Variants in DNAH7 observed in about 807,000 individuals in gnomAD.
The protein encoded by DNAH7 is axonemal beta dynein heavy chain 7.
In DNAH7, 397 loss-of-function variants were observed where a neutral mutation model predicts 444.6. The ratio of observed to expected loss-of-function variants is 0.89; its 90% CI spans 0.82 to 0.97. The LOEUF is 0.97. Ranked by LOEUF, DNAH7 falls within the 50% of genes least tolerant of loss-of-function variation. DNAH7 has a pLI of 0.00. For synonymous variants in DNAH7, 1,636 were observed against 1,624.4 expected (o/e 1.01, Z -0.17); for missense variants, 4,902 against 4,800.8 (o/e 1.02, Z -0.62).
Position 195,872,283 on chromosome 2 carries a change from G to T in DNAH7, c.6600C>A (p.Thr2200=). 1 of 1,613,742 alleles carries T rather than the reference G, an allele frequency of 6.2e-7. No individual in the cohort carries two copies. The highest frequency in any genetic ancestry group is 8.5e-7 in the Non-Finnish European group (1 of 1,179,836). ...CCCAAAGACGTTTAATCACTTCTGT[G>T]GTTTCTGTTGTTTCTGGTCTTGACA... is the stretch of plus-strand genomic sequence containing the variant. ...VCLSRPETTE[T]TEVIKRLWVH... is the part of the protein sequence containing the mutation. Residue 2200 remains threonine, a synonymous_variant, in exon 40 of 65, where the codon ACC becomes ACA. Coordinates refer to ENST00000312428, the MANE Select transcript of DNAH7 (RefSeq NM_018897.3).
chr2:195,761,862 G>T (rs1042521907), intron 61 of DNAH7, among the ~76,000 whole-genome samples: 4 of 152,126 alleles, frequency 2.6e-5, no homozygotes, highest in African/African-American at 9.7e-5. Flanking sequence ...GAAAGAAAAG[G>T]ATGTAAATGA....
At chr2:195,777,696 C>G (rs754277155) in intron 59 of DNAH7, 104 bp downstream of exon 59, 60 of 1,227,426 alleles carry the variant, frequency 4.9e-5, no homozygotes, top group Non-Finnish European at 6.8e-5. Flanking sequence ...ACAAGGGTAA[C>G]AAAAAAACAA....
chr2:195,874,935 T>C lies in DNAH7; in HGVS notation c.6286+740A>G, dbSNP rs80163718. 2.0e-4 allele frequency among the ~76,000 whole-genome samples: 30 copies of C among 152,252 alleles called. No homozygotes were observed. In the East Asian group the frequency reaches 4.6e-3, roughly 23 times the overall value. ...ATAAAGGTCAGGGTTAGGGAGCAAA[T>C]ACCGGAGAGATTCCCTGAAGTGGTA... is the stretch of plus-strand genomic sequence containing the variant. On this transcript the variant is annotated intron_variant, in intron 38 of 64. Transcript: ENST00000312428.
In DNAH7 at chr2:195,809,923, A is replaced by C. The variant is rs955838552; in HGVS notation, c.9762-52T>G. ...ATAAATAAAAATATACTTTAAAGAT[A>C]ATGCTCTTAAGAAACTTACATGTAT... On this transcript the variant is annotated intron_variant, in intron 51 of 64. Coordinates refer to ENST00000312428, the MANE Select transcript of DNAH7 (RefSeq NM_018897.3). 66 of 1,364,304 alleles carry C rather than the reference A, an allele frequency of 4.8e-5. No homozygotes were observed. In the Middle Eastern group the frequency reaches 9.3e-4, roughly 19 times the overall value. The allele number at this position is 1,364,304 out of a possible 1,614,324, so 84.5% of individuals were successfully genotyped here. A position where few individuals can be genotyped will look rare whatever the true frequency, so the allele number is the denominator to read the frequency against.
chr2:195,743,351 C>A (rs533897443), intron 63 of DNAH7, among the ~76,000 whole-genome samples: 1 of 152,210 alleles, frequency 6.6e-6, no homozygotes, highest in East Asian at 1.9e-4. Flanking sequence ...AATAAACTCC[C>A]TCTCATATAT....
At chr2:195,991,997 A>G (rs1693371416) in intron 12 of DNAH7, among the ~76,000 whole-genome samples, 1 of 152,234 alleles carries the variant, frequency 6.6e-6, no homozygotes, top group Non-Finnish European at 1.5e-5. Flanking sequence ...TAGTTTTTAA[A>G]ACAATAAATA....
intron 12 of DNAH7, among the ~76,000 whole-genome samples, chr2:195,999,886 TAAAC>T (rs994828495): frequency 6.6e-6 from 1 of 152,258 alleles, no homozygotes; most frequent in African/African-American, 2.4e-5. Flanking sequence ...TGTTTAGTAA[TAAAC>T]AGACAAGTAG....
At chr2:195,970,229 A>G (rs1027698280) in intron 16 of DNAH7, 135 bp from the exon 17 acceptor site, 3 of 772,088 alleles carry the variant, frequency 3.9e-6, no homozygotes, top group Non-Finnish European at 5.8e-6. Context: ...TGATCTGGAA[A>G]ATGAACGAGA....
At chr2:195,824,521 G>C in intron 48 of DNAH7, 76 bp from the exon 49 acceptor site, 1 of 1,263,308 alleles carries the variant, frequency 7.9e-7, no homozygotes, top group Non-Finnish European at 1.1e-6. Flanking sequence ...AACCCTCCAA[G>C]TTCTTTCAGC....
rs1188266953 is a variant in DNAH7, at chr2:195,812,912, GCTT to G, written c.9762-3044_9762-3042del. Among the ~76,000 whole-genome samples, 6 of 152,218 alleles carry G rather than the reference GCTT, an allele frequency of 3.9e-5. No individual in the cohort carries two copies. In the East Asian group the frequency reaches 1.2e-3, roughly 29 times the overall value. On this transcript the variant is annotated intron_variant, in intron 51 of 64. Transcript: ENST00000312428. The stretch of plus-strand genomic sequence containing the variant: ...TTTTTAATTTCTGATTTGGGAGCTA[GCTT>G]CTTAATTGGAAACTCTTAGTTTACT...
At chr2:196,015,529 A>C (rs571085313) in intron 9 of DNAH7, among the ~76,000 whole-genome samples, 1 of 152,148 alleles carries the variant, frequency 6.6e-6, no homozygotes, top group Non-Finnish European at 1.5e-5. Flanking sequence ...TCATATACGC[A>C]TTATTTTACA....
chr2:195,883,448 C>T (rs1701528137), intron 35 of DNAH7, among the ~76,000 whole-genome samples: 2 of 141,328 alleles, frequency 1.4e-5, no homozygotes, highest in East Asian at 2.0e-4. Context: ...ACTCAGTCCC[C>T]GCTCCCCCCC....
intron 19 of DNAH7, among the ~76,000 whole-genome samples, chr2:195,950,034 G>T (rs897731087): frequency 6.6e-6 from 1 of 152,180 alleles, no homozygotes; most frequent in Non-Finnish European, 1.5e-5. Flanking sequence ...TCGCATCAAT[G>T]TCCATCAGGG....
At chr2:195,786,143 C>A (rs965297878) in intron 58 of DNAH7, among the ~76,000 whole-genome samples, 6 of 152,148 alleles carry the variant, frequency 3.9e-5, no homozygotes, top group African/African-American at 1.4e-4. Flanking sequence ...TTATTTTGTT[C>A]AGTTTCTTCT....
chr2:195,864,904 G>A lies in DNAH7; in HGVS notation c.6751C>T (p.Arg2251Cys), dbSNP rs757258566. The change falls in exon 41 of 65, where the codon CGT (arginine) becomes TGT (cysteine). Residue 2251 changes from arginine to cysteine, a missense_variant. Coordinates refer to ENST00000312428, the MANE Select transcript of DNAH7 (RefSeq NM_018897.3). ...ATGCCATCATTATCAAAATCCAAAC[G>A]CTGAAAAAGCTCATGAAAATCTTCA... ...MYEDFHELFQ[R>C]LDFDNDGMVE... 5.0e-6 allele frequency: 8 copies of A among 1,613,322 alleles called. No individual in the cohort carries two copies. The highest frequency in any genetic ancestry group is 3.3e-5 in the Admixed American group (2 of 59,998).
rs1455969430 is a variant in DNAH7 at position 195,737,927 on chromosome 2, A to G, written c.12069T>C (p.Asn4023=). 7.4e-6 allele frequency: 12 copies of G among 1,613,734 alleles called. No individual in the cohort carries two copies. Among genetic ancestry groups the G allele is most frequent in the Non-Finnish European group, 1.0e-5 (12 of 1,179,750 alleles). ...GRGVALLCQL[N]S ...AGGAAATGATGTCTTCTGGTTATGAATTAAGTTGACATAACAGTGCTACAC... is the reference window on the plus strand; with the variant it reads ...AGGAAATGATGTCTTCTGGTTATGAGTTAAGTTGACATAACAGTGCTACAC... Residue 4023 remains asparagine, a synonymous_variant, in exon 65 of 65, where the codon AAT becomes AAC. Coordinates refer to ENST00000312428, the MANE Select transcript of DNAH7 (RefSeq NM_018897.3).
intron 1 of DNAH7, among the ~76,000 whole-genome samples, chr2:196,067,866 A>T (rs531974540): frequency 1.3e-5 from 2 of 152,354 alleles, no homozygotes; most frequent in South Asian, 4.1e-4. Flanking sequence ...CCTTTTCCTT[A>T]TTCATCACTA....
chr2:195,738,270 G>GTGAT, intron 64 of DNAH7, 143 bp from the exon 65 acceptor site: 1 of 678,470 alleles, frequency 1.5e-6, no homozygotes, highest in Non-Finnish European at 2.5e-6. Context: ...CAGTGTTGTT[G>GTGAT]TGATTGCTCA....
rs1697351961 is a variant in DNAH7, at chr2:196,049,772, A to C, written c.142-1368T>G. Reference sequence around the variant, plus strand: ...TTAGATGATTATATGCTTCGCCCACAAGCAAGAATTATTATGCGTCTCAGC... The same window carrying C: ...TTAGATGATTATATGCTTCGCCCACCAGCAAGAATTATTATGCGTCTCAGC... On this transcript the variant is annotated intron_variant, in intron 3 of 64. Coordinates refer to ENST00000312428, the MANE Select transcript of DNAH7 (RefSeq NM_018897.3). Among the ~76,000 whole-genome samples the C allele has an allele frequency of 4.6e-5, 7 of 152,328 alleles. No homozygotes were observed. In the South Asian group the frequency reaches 1.4e-3, roughly 32 times the overall value.
Sources: allele counts gnomAD v4.1 joint callset (sites outside exome capture counted in the v4.1 genomes callset), GRCh38; gene constraint gnomAD v4.1.1; transcripts MANE v1.5; gene names NCBI Gene and HGNC (gene_info 2026-07-23, HGNC 2026-07-21).